MED13L: variants seen among roughly 807,000 people sequenced by gnomAD.
MED13L encodes the protein mediator complex subunit 13L.
A neutral mutation model predicts 220.9 loss-of-function variants in MED13L; 7 were observed. The ratio of observed to expected loss-of-function variants is 0.03; its 90% CI spans 0.02 to 0.06. The LOEUF (loss-of-function observed/expected upper bound fraction) is 0.06. MED13L is among the 10% of genes least tolerant of loss of function. The probability of loss-of-function intolerance (pLI) is 1.00; values close to 1 mark genes in which losing one functional copy is unlikely to be tolerated. For synonymous variants in MED13L, 1,011 were observed against 1,015.2 expected, an observed-to-expected ratio of 1.00 and a Z score of 0.08; for missense variants, 1,965 against 2,760.5, an observed-to-expected ratio of 0.71 and a Z score of 6.46.
intron 4 of MED13L, among the ~76,000 whole-genome samples, chr12:116,037,697 C>T (rs1008224399): frequency 6.6e-6 from 1 of 152,120 alleles, no homozygotes; most frequent in Admixed American, 6.5e-5. Context: ...GTAGTGGTAT[C>T]AGAGAAGCAG....
At chr12:116,074,021 TTTA>T (rs1870588971) in intron 4 of MED13L, among the ~76,000 whole-genome samples, 1 of 152,232 alleles carries the variant, frequency 6.6e-6, no homozygotes, top group African/African-American at 2.4e-5. Flanking sequence ...TTTCTCACGA[TTTA>T]TTATTAATAT....
At chr12:116,043,857 G>A (rs890551491) in intron 4 of MED13L, among the ~76,000 whole-genome samples, 6 of 152,176 alleles carry the variant, frequency 3.9e-5, no homozygotes, top group African/African-American at 1.4e-4. Context: ...ATTCAAACTG[G>A]CATATGTTTG....
chr12:116,163,427 C>A (rs920098572), intron 2 of MED13L, among the ~76,000 whole-genome samples: 1 of 148,240 alleles, frequency 6.7e-6, no homozygotes, highest in Non-Finnish European at 1.5e-5. Context: ...GGCAATGGTG[C>A]GATCTCGGCT....
At chr12:116,232,659 A>G (rs1418888154) in intron 2 of MED13L, among the ~76,000 whole-genome samples, 1 of 152,210 alleles carries the variant, frequency 6.6e-6, no homozygotes, top group African/African-American at 2.4e-5. Context: ...TGGACCAGAG[A>G]TTTGTAATGC....
At chr12:116,272,714 C>A (rs1018009067) in intron 1 of MED13L, among the ~76,000 whole-genome samples, 1 of 152,210 alleles carries the variant, frequency 6.6e-6, no homozygotes, top group African/African-American at 2.4e-5. Context: ...GCAACATCCA[C>A]AGCAAAATAT....
At chr12:116,012,299 C>T (rs890136595) in intron 9 of MED13L, among the ~76,000 whole-genome samples, 20 of 152,008 alleles carry the variant, frequency 1.3e-4, no homozygotes, top group African/African-American at 4.8e-4. Flanking sequence ...AGGACGTATC[C>T]AAAGAACTAA....
In MED13L at chr12:116,277,681, C is replaced by G. The variant is rs1414575283; in HGVS notation, c.-550G>C. 6.7e-6 allele frequency among the ~76,000 whole-genome samples: 1 copy of G among 149,710 alleles called. No individual in the cohort carries two copies. The highest frequency in any genetic ancestry group is 2.4e-5 in the African/African-American group (1 of 41,186). ...TCTCCTCCCTCCCCGGGCTCGCTTG[C>G]TCTGACAGCAATGGCGGCCGCCGAC... On this transcript the variant is annotated 5_prime_UTR_variant, in exon 1 of 31. Coordinates refer to ENST00000281928, the MANE Select transcript of MED13L (RefSeq NM_015335.5).
intron 29 of MED13L, among the ~76,000 whole-genome samples, chr12:115,964,506 A>G (rs1191651005): frequency 6.6e-6 from 1 of 152,214 alleles, no homozygotes; most frequent in Non-Finnish European, 1.5e-5. Flanking sequence ...TGTAAAGGAG[A>G]GGCAACATAT....
chr12:116,147,792 T>C (rs560704347), intron 2 of MED13L, among the ~76,000 whole-genome samples: 1 of 152,196 alleles, frequency 6.6e-6, no homozygotes, highest in South Asian at 2.1e-4. Flanking sequence ...TGTGCTAATT[T>C]CATAATTCTA....
chr12:115,989,704 C>A (rs549440856), intron 17 of MED13L, among the ~76,000 whole-genome samples: 1 of 152,252 alleles, frequency 6.6e-6, no homozygotes, highest in East Asian at 1.9e-4. Flanking sequence ...CACTGACTAT[C>A]CAGGTATACA....
At chr12:116,237,792 C>G (rs917502519) in intron 1 of MED13L, 87 bp from the exon 2 acceptor site, 4 of 1,145,382 alleles carry the variant, frequency 3.5e-6, no homozygotes, top group Non-Finnish European at 5.3e-6. Flanking sequence ...AGCAATTGTG[C>G]TAAAATAAAT....
Position 116,029,916 on chromosome 12 carries a change from A to T in MED13L, c.480-7315T>A, listed in dbSNP as rs573500540. 1.3e-5 allele frequency among the ~76,000 whole-genome samples: 2 copies of T among 152,162 alleles called. 1 individual carries two copies. Among genetic ancestry groups the T allele is most frequent in the South Asian group, 4.1e-4 (2 of 4,830 alleles). ...ATAACAAGACACAAGACATCATTTC[A>T]AAGAAATGATGATATACAGTCTACA... On this transcript the variant is annotated intron_variant, in intron 4 of 30. Coordinates refer to ENST00000281928, the MANE Select transcript of MED13L (RefSeq NM_015335.5).
At chr12:116,141,134 A>G (rs1356387199) in intron 2 of MED13L, among the ~76,000 whole-genome samples, 6 of 152,144 alleles carry the variant, frequency 3.9e-5, no homozygotes, top group African/African-American at 1.4e-4. Flanking sequence ...TCAAACCACA[A>G]CCTTATGACA....
chr12:116,225,386 C>T (rs910961696), intron 2 of MED13L, among the ~76,000 whole-genome samples: 2 of 152,172 alleles, frequency 1.3e-5, no homozygotes, highest in Admixed American at 1.3e-4. Flanking sequence ...GCCACCTCTG[C>T]TACCCAAATC....
At chr12:116,189,650 T>C (rs1291775214) in intron 2 of MED13L, among the ~76,000 whole-genome samples, 1 of 152,222 alleles carries the variant, frequency 6.6e-6, no homozygotes. Flanking sequence ...GAATAAACTT[T>C]TGCATAAAGT....
chr12:116,005,788 A>G (rs1445337028), intron 13 of MED13L, 81 bp downstream of exon 13: 1 of 1,565,452 alleles, frequency 6.4e-7, no homozygotes, highest in Non-Finnish European at 8.8e-7. Context: ...AGGACACCAA[A>G]CTATAAAGAA....
chr12:115,970,202 A>G (rs1361054738), intron 27 of MED13L, among the ~76,000 whole-genome samples: 1 of 152,228 alleles, frequency 6.6e-6, no homozygotes, highest in Non-Finnish European at 1.5e-5. Flanking sequence ...GGGTTTCTCT[A>G]TAGCAAATTA....
intron 1 of MED13L, among the ~76,000 whole-genome samples, chr12:116,247,329 T>C (rs1450374902): frequency 6.6e-6 from 1 of 152,208 alleles, no homozygotes; most frequent in Non-Finnish European, 1.5e-5. Flanking sequence ...TACTACTTTA[T>C]AGACTTATTC....
chr12:116,021,192 C>T (rs931879920), intron 5 of MED13L, among the ~76,000 whole-genome samples: 4 of 152,146 alleles, frequency 2.6e-5, no homozygotes, highest in African/African-American at 9.7e-5. Flanking sequence ...TATTCTATGA[C>T]TTCCATCAGT....
Sources: gnomAD v4.1 joint callset for allele counts (sites outside exome capture counted in the v4.1 genomes callset) on GRCh38, gnomAD v4.1.1 for gene constraint, MANE v1.5 for transcripts, NCBI Gene and HGNC (gene_info 2026-07-23, HGNC 2026-07-21) for gene names.